Variants in JHY observed in about 807,000 individuals in gnomAD.
JHY encodes junctional cadherin complex regulator.
A neutral mutation model predicts 78.0 loss-of-function variants in JHY; 69 were observed. The observed-to-expected ratio is 0.88, with a 90% CI of 0.73 to 1.08. The LOEUF is 1.08. Ranked by LOEUF, JHY falls within the 50% of genes least tolerant of loss-of-function variation. The probability of loss-of-function intolerance (pLI) is 0.00; values close to 1 mark genes in which losing one functional copy is unlikely to be tolerated. For synonymous variants in JHY, 368 were observed against 342.6 expected (o/e 1.07, Z -0.82); for missense variants, 944 against 927.8 (o/e 1.02, Z -0.23).
At chr11:122,905,375 A>C (rs1164223828) in intron 3 of JHY, 1 of 1,501,226 alleles carries the variant, frequency 6.7e-7, no homozygotes, top group African/African-American at 1.4e-5. Flanking sequence ...TCACCTGCTA[A>C]TGTGAGGTCA....
intron 6 of JHY, among the ~76,000 whole-genome samples, chr11:122,955,714 C>A (rs945042655): frequency 1.3e-4 from 20 of 152,260 alleles, no homozygotes; most frequent in African/African-American, 4.8e-4. Flanking sequence ...TTACTTTTCT[C>A]TTGAATATTA....
chr11:122,894,463 A>C (rs1196678929), intron 2 of JHY, among the ~76,000 whole-genome samples: 3 of 152,110 alleles, frequency 2.0e-5, no homozygotes, highest in Non-Finnish European at 4.4e-5. Context: ...TGAAAAAAAC[A>C]CTCGAGCCTT....
chr11:122,952,399 A>G (rs1055711488), intron 6 of JHY, among the ~76,000 whole-genome samples: 2 of 152,194 alleles, frequency 1.3e-5, no homozygotes, highest in Non-Finnish European at 2.9e-5. Flanking sequence ...ACTTGCGCCA[A>G]CCTTAAGTAA....
chr11:122,899,053 GAT>G (rs1862792380), intron 2 of JHY, among the ~76,000 whole-genome samples: 1 of 152,144 alleles, frequency 6.6e-6, no homozygotes, highest in Admixed American at 6.5e-5. Context: ...GACCTCCCAA[GAT>G]AGGACTGGAT....
intron 3 of JHY, chr11:122,905,969 T>C (rs1232732653): frequency 2.1e-4 from 32 of 152,104 alleles, no homozygotes; most frequent in Admixed American, 2.1e-3. Flanking sequence ...AAAAAAAGAA[T>C]TATGTCACAT....
chr11:122,912,027 C>T (rs1863139069), intron 3 of JHY, among the ~76,000 whole-genome samples: 1 of 151,100 alleles, frequency 6.6e-6, no homozygotes, highest in African/African-American at 2.4e-5. Context: ...TGGCTCATGC[C>T]TGTAATCCCA....
chr11:122,934,540 C>A lies in JHY; in HGVS notation c.1099C>A (p.Arg367=). 3 of 1,614,006 alleles carry A rather than the reference C, an allele frequency of 1.9e-6. No individual in the cohort carries two copies. The highest frequency in any genetic ancestry group is 2.5e-6 in the Non-Finnish European group (3 of 1,180,014). The change falls in exon 5 of 9, where the codon CGA becomes AGA. Residue 367 remains arginine (R), a synonymous_variant. Transcript: ENST00000227349. The part of the protein sequence containing the change: ...PSRRPAKLKI[R]KQCKHQNGLK... ...CAGAAGACCAGCCAAGCTCAAGATT[C>A]GAAAGCAGTGTAAACACCAGAATGG...
Position 122,904,249 on chromosome 11 carries a change from C to T in JHY, c.669C>T (p.Ser223=). 3.7e-6 allele frequency: 6 copies of T among 1,614,172 alleles called. No homozygotes were observed. The South Asian group carries it at 4.4e-5, about 12-fold the overall frequency. ...ACAGTGACCTGGAGGAGAAGTCGAG[C>T]AGCCTTTCTCCGTACGTGAAGAGCT... ...LSDSDLEEKS[S]SLSPYVKSSS... is the part of the protein sequence containing the mutation. Residue 223 remains serine, a synonymous_variant, in exon 3 of 9, where the codon AGC becomes AGT. Coordinates refer to ENST00000227349, the MANE Select transcript of JHY (RefSeq NM_024806.4).
At chr11:122,920,429 G>A (rs538896837) in intron 3 of JHY, among the ~76,000 whole-genome samples, 1 of 152,276 alleles carries the variant, frequency 6.6e-6, no homozygotes, top group East Asian at 1.9e-4. Flanking sequence ...ATTAAAAACA[G>A]AATATAAAGG....
At chr11:122,952,261 C>T (rs868181174) in intron 6 of JHY, among the ~76,000 whole-genome samples, 1 of 152,004 alleles carries the variant, frequency 6.6e-6, no homozygotes, top group Non-Finnish European at 1.5e-5. Flanking sequence ...ATACTGAAAA[C>T]CATTGTATTG....
At chr11:122,911,989 T>TA (rs1470573591) in intron 3 of JHY, among the ~76,000 whole-genome samples, 90 of 147,604 alleles carry the variant, frequency 6.1e-4, no homozygotes, top group Admixed American at 3.0e-3. Context: ...GTGATGACTT[T>TA]AATAAGTAAA....
intron 2 of JHY, among the ~76,000 whole-genome samples, chr11:122,889,078 G>A (rs1047925716): frequency 6.6e-6 from 1 of 152,134 alleles, no homozygotes; most frequent in African/African-American, 2.4e-5. Context: ...TTACTCACAA[G>A]TGCCTGCAAG....
intron 3 of JHY, among the ~76,000 whole-genome samples, chr11:122,909,732 T>C (rs967019455): frequency 6.6e-6 from 1 of 151,818 alleles, no homozygotes; most frequent in Admixed American, 6.6e-5. Context: ...TGAGCCAAGA[T>C]TGCGCCACTG....
intron 5 of JHY, among the ~76,000 whole-genome samples, chr11:122,940,012 A>G (rs1020858772): frequency 3.3e-5 from 5 of 149,380 alleles, no homozygotes; most frequent in East Asian, 2.0e-4. Context: ...CATACATTTC[A>G]TTTACTTTTT....
intron 5 of JHY, among the ~76,000 whole-genome samples, chr11:122,937,527 T>A (rs188868572): frequency 1.5e-3 from 229 of 152,290 alleles, no homozygotes; most frequent in African/African-American, 5.3e-3. Context: ...TTTCAGTATC[T>A]CACATTTTCC....
Position 122,934,950 on chromosome 11 carries a change from C to T in JHY, c.1509C>T (p.His503=), listed in dbSNP as rs764475710. The T allele has an allele frequency of 3.4e-5, 55 of 1,613,970 alleles. No homozygotes were observed. The South Asian group carries it at 3.5e-4, about 10-fold the overall frequency. ...ACCTTAATGAACTTTCTAAGAGACA[C>T]GTGCTCCTGAGCCAGAAAGGCTCTC... ...LNNLNELSKR[H]VLLSQKGSQF... is the part of the protein sequence containing the mutation. Residue 503 remains histidine, a synonymous_variant, in exon 5 of 9, where the codon CAC becomes CAT. Coordinates refer to ENST00000227349, the MANE Select transcript of JHY (RefSeq NM_024806.4).
At chr11:122,887,729 A>G (rs190641786) in intron 2 of JHY, among the ~76,000 whole-genome samples, 150 of 152,218 alleles carry the variant, frequency 9.9e-4, no homozygotes, top group African/African-American at 3.4e-3. Context: ...ATAACAGAAG[A>G]GAATGGGAGT....
Position 122,886,074 on chromosome 11 carries a change from C to A in JHY, c.225C>A (p.Asp75Glu). The change falls in exon 2 of 9, where the codon GAC (aspartate) becomes GAA (glutamate). Residue 75 changes from aspartate (D) to glutamate (E), a missense_variant. By Grantham distance (45) the Asp-to-Glu change is conservative. Coordinates refer to ENST00000227349, the MANE Select transcript of JHY (RefSeq NM_024806.4). ...ACGGTATGGAGCCCGACAGCTTAGA[C>A]GAGGAGGAAAGCCCTCGATGGGGAA... ...RGNGMEPDSL[D>E]EEESPRWGSL... 1 of 1,614,052 alleles carries A rather than the reference C, an allele frequency of 6.2e-7. No individual in the cohort carries two copies. Among genetic ancestry groups the A allele is most frequent in the Non-Finnish European group, 8.5e-7 (1 of 1,180,026 alleles).
chr11:122,919,799 C>T (rs573131706), intron 3 of JHY, among the ~76,000 whole-genome samples: 10 of 152,014 alleles, frequency 6.6e-5, no homozygotes, highest in Admixed American at 2.6e-4. Flanking sequence ...GCTAACATGG[C>T]GAAACCCCGT....
Sources: gnomAD v4.1 joint callset for allele counts (sites outside exome capture counted in the v4.1 genomes callset) on GRCh38, gnomAD v4.1.1 for gene constraint, MANE v1.5 for transcripts, NCBI Gene and HGNC (gene_info 2026-07-23, HGNC 2026-07-21) for gene names.